The following LIMS2 variants were observed in gnomAD, a reference collection of about 807,000 sequenced individuals.
The protein encoded by LIMS2 is LIM and senescent cell antigen-like-containing domain protein 2.
LIMS2 carries 30 observed loss-of-function variants against 45.3 expected under a neutral mutation model. That is an observed-to-expected ratio of 0.66 (90% CI 0.50 to 0.90). LIMS2 has a LOEUF of 0.90. LIMS2 is among the 40% of genes least tolerant of loss of function. The pLI, the probability that LIMS2 is intolerant of heterozygous loss-of-function variation, is 0.00. For missense variants in LIMS2, 485 were observed against 468.7 expected, an observed-to-expected ratio of 1.03 and a Z score of -0.32; for synonymous variants, 173 against 188.0, an observed-to-expected ratio of 0.92 and a Z score of 0.65.
Position 127,642,856 on chromosome 2 carries a change from C to G in LIMS2, c.509+67G>C. ...AACACTTCCCCAGGTGGAGGCCCCA[C>G]CGCCCTTACCCTGGGCCAGCCCTGG... On this transcript the variant is annotated intron_variant, in intron 5 of 9. Transcript: ENST00000355119. The surrounding 1 kb of genome is among the most constrained non-coding windows in gnomAD (Gnocchi z 5.3). The G allele has an allele frequency of 1.3e-6, 2 of 1,507,460 alleles. No homozygotes were observed. The highest frequency in any genetic ancestry group is 8.9e-7 in the Non-Finnish European group (1 of 1,118,378). The allele number at this position is 1,507,460 out of a possible 1,614,324, so 93.4% of individuals were successfully genotyped here.
rs537813003 is a variant in LIMS2 at position 127,654,703 on chromosome 2, T to C, written c.238+127A>G. The C allele has an allele frequency of 1.6e-5, 24 of 1,465,648 alleles. No individual in the cohort carries two copies. The East Asian group carries it at 5.3e-4, about 33-fold the overall frequency. The allele number at this position is 1,465,648 out of a possible 1,614,324, so 90.8% of individuals were successfully genotyped here. On this transcript the variant is annotated intron_variant, in intron 3 of 9. Coordinates refer to ENST00000355119, the MANE Select transcript of LIMS2 (RefSeq NM_001161403.3). Reference sequence around the variant, plus strand: ...CTGTAGGGGGCCTGACGGCTGCCGCTCAGAGAGGCAAGGTGGGGAGTTAGG... The same window carrying C: ...CTGTAGGGGGCCTGACGGCTGCCGCCCAGAGAGGCAAGGTGGGGAGTTAGG...
In LIMS2 at chr2:127,642,696, A is replaced by G; in HGVS notation, c.509+227T>C. The G allele has an allele frequency of 1.8e-6, 1 of 555,486 alleles. No homozygotes were observed. Among genetic ancestry groups the G allele is most frequent in the South Asian group, 2.2e-5 (1 of 44,520 alleles). 34.4% of individuals were successfully genotyped at this position (555,486 alleles called of 1,614,324 possible). On this transcript the variant is annotated intron_variant, in intron 5 of 9. Transcript: ENST00000355119. This position sits in a 1 kb window ranked among gnomAD's most constrained non-coding sequence, Gnocchi z 5.3. ...CCAGCCCACCCGCCTCCTGAGTCTC[A>G]AGTGCCCCCCAAACAGAGCCCTGGA...
chr2:127,670,969 G>A (rs1420477418), intron 1 of LIMS2, among the ~76,000 whole-genome samples: 1 of 152,242 alleles, frequency 6.6e-6, no homozygotes, highest in Non-Finnish European at 1.5e-5. Context: ...CAAGACATAT[G>A]CATTCACTCA....
intron 1 of LIMS2, among the ~76,000 whole-genome samples, chr2:127,660,385 G>A (rs558949019): frequency 1.4e-4 from 22 of 152,312 alleles, no homozygotes; most frequent in Non-Finnish European, 2.2e-4. Flanking sequence ...GCTGCTGCAC[G>A]TTCTTTGGGT....
intron 1 of LIMS2, among the ~76,000 whole-genome samples, chr2:127,661,593 A>G (rs1684664930): frequency 6.6e-6 from 1 of 152,214 alleles, no homozygotes; most frequent in African/African-American, 2.4e-5. Context: ...CAGCTGGACT[A>G]CGTAGAACAT....
At position 127,667,679 on chromosome 2, in the gene LIMS2, G is replaced by T. The variant is rs1251028056; in HGVS notation, c.11+7335C>A. Among the ~76,000 whole-genome samples, 2 of 152,316 alleles carry T rather than the reference G, an allele frequency of 1.3e-5. No individual in the cohort carries two copies. Among genetic ancestry groups the T allele is most frequent in the East Asian group, 3.9e-4 (2 of 5,182 alleles). On this transcript the variant is annotated intron_variant, in intron 1 of 9. Transcript: ENST00000355119. This position sits in a 1 kb window ranked among gnomAD's most constrained non-coding sequence, Gnocchi z 4.1. The stretch of plus-strand genomic sequence containing the variant: ...AAAAGCACCCAACAAACTGGGAATA[G>T]AAGGGAACTTCTTCAATTTGATAAG...
At position 127,651,815 on chromosome 2, in the gene LIMS2, G is replaced by C. The variant is rs535199334; in HGVS notation, c.359+2609C>G. ...TTAGGACTCAGCAGACCCAGCAAGAGGCATCTGCCCTTTCCCCAGCCACCT... is the reference window on the plus strand; with the variant it reads ...TTAGGACTCAGCAGACCCAGCAAGACGCATCTGCCCTTTCCCCAGCCACCT... On this transcript the variant is annotated intron_variant, in intron 4 of 9. Transcript: ENST00000355119. 73 of 1,507,314 alleles carry C rather than the reference G, an allele frequency of 4.8e-5. 1 individual carries two copies. In the South Asian group the frequency reaches 7.0e-4, roughly 14 times the overall value. 93.4% of individuals were successfully genotyped at this position (1,507,314 alleles called of 1,614,324 possible). A position where few individuals can be genotyped will look rare whatever the true frequency, so the allele number is the denominator to read the frequency against.
chr2:127,643,406 T>G, intron 4 of LIMS2: 1 of 473,932 alleles, frequency 2.1e-6, no homozygotes, highest in Middle Eastern at 3.2e-4. Flanking sequence ...AAAGCATTAT[T>G]TTCCCAATGT....
At chr2:127,657,278 G>C (rs1684319747) in intron 2 of LIMS2, 125 bp downstream of exon 2, 2 of 1,110,754 alleles carry the variant, frequency 1.8e-6, no homozygotes, top group African/African-American at 3.1e-5. Flanking sequence ...GCTCAAGCCT[G>C]GTTCTGGGCT....
intron 4 of LIMS2, chr2:127,651,530 T>C (rs761468850): frequency 1.9e-6 from 3 of 1,612,590 alleles, no homozygotes; most frequent in Non-Finnish European, 2.5e-6. Flanking sequence ...ACCGCAGCCA[T>C]GGGGCCTCCT....
chr2:127,650,631 T>A (rs574404888), intron 4 of LIMS2: 1 of 935,870 alleles, frequency 1.1e-6, no homozygotes, highest in African/African-American at 1.6e-5. Context: ...TCTGAAGGCA[T>A]TGGAGGCCTG....
chr2:127,650,166 G>A (rs1477178749), intron 4 of LIMS2: 15 of 1,230,646 alleles, frequency 1.2e-5, no homozygotes, highest in Non-Finnish European at 1.7e-5. Context: ...GGCAAGCCAT[G>A]GTCAGGGGAA....
intron 1 of LIMS2, among the ~76,000 whole-genome samples, chr2:127,663,397 G>A (rs536539002): frequency 3.1e-4 from 47 of 152,308 alleles, no homozygotes; most frequent in African/African-American, 8.2e-4. Context: ...CCGTGCTGCC[G>A]GCCTGCAGTT....
chr2:127,654,973 G>T, intron 2 of LIMS2, 77 bp from the exon 3 acceptor site: 1 of 1,351,760 alleles, frequency 7.4e-7, no homozygotes, highest in Non-Finnish European at 1.0e-6. Context: ...TGTTGGGTCA[G>T]GACCTGACAG....
At position 127,675,173 on chromosome 2, in the gene LIMS2, G is replaced by C. The variant is rs1004593937; in HGVS notation, c.-149C>G. ...GCCAAGAGCCGCTCCGCCCGCGAGA[G>C]GGGTGGGCGGGGGTGGCAGGGTGGG... On this transcript the variant is annotated 5_prime_UTR_variant, in exon 1 of 10. Transcript: ENST00000355119. 8 of 575,380 alleles carry C rather than the reference G, an allele frequency of 1.4e-5. No homozygotes were observed. Among genetic ancestry groups the C allele is most frequent in the African/African-American group, 1.2e-4 (6 of 51,442 alleles). The allele number at this position is 575,380 out of a possible 1,614,324, so 35.6% of individuals were successfully genotyped here.
In LIMS2 at chr2:127,672,527, T is replaced by G. The variant is rs2105345481; in HGVS notation, c.11+2487A>C. Among the ~76,000 whole-genome samples the G allele has an allele frequency of 6.6e-6, 1 of 152,100 alleles. No individual in the cohort carries two copies. Among genetic ancestry groups the G allele is most frequent in the East Asian group, 1.9e-4 (1 of 5,162 alleles). ...CCCACCTGTCATCACAGGAGGGGCA[T>G]CCTCCCGAGCCCCACCCTCTGTGGC... On this transcript the variant is annotated intron_variant, in intron 1 of 9. Transcript: ENST00000355119. The surrounding 1 kb of genome is among the most constrained non-coding windows in gnomAD (Gnocchi z 4.9).
At chr2:127,640,505 A>T (rs1184119914) in intron 7 of LIMS2, 187 bp from the exon 8 acceptor site, 1 of 649,898 alleles carries the variant, frequency 1.5e-6, no homozygotes, top group East Asian at 2.7e-5. Flanking sequence ...TCCGGGAAGG[A>T]CAACAGGCTG....
In LIMS2 at chr2:127,653,269, G is replaced by A. The variant is rs959381255; in HGVS notation, c.359+1155C>T. On this transcript the variant is annotated intron_variant, in intron 4 of 9. Coordinates refer to ENST00000355119, the MANE Select transcript of LIMS2 (RefSeq NM_001161403.3). This position sits in a 1 kb window ranked among gnomAD's most constrained non-coding sequence, Gnocchi z 5.3. ...TGCCCGGACAGAGAGAGTGTGGCAG[G>A]GGAAGCATGGCTGGGGCCTCTGGGG... 3.3e-5 allele frequency among the ~76,000 whole-genome samples: 5 copies of A among 152,176 alleles called. No homozygotes were observed. Among genetic ancestry groups the A allele is most frequent in the Non-Finnish European group, 5.9e-5 (4 of 68,026 alleles).
Position 127,653,877 on chromosome 2 carries a change from C to A in LIMS2, c.359+547G>T, listed in dbSNP as rs1684046414. ...CGAGAGAGTGGCGTGGAGAAGCAAG[C>A]CCTGGAGAAAGTGTGGGGATGAACA... is the stretch of plus-strand genomic sequence containing the variant. On this transcript the variant is annotated intron_variant, in intron 4 of 9. Coordinates refer to ENST00000355119, the MANE Select transcript of LIMS2 (RefSeq NM_001161403.3). The surrounding 1 kb of genome is among the most constrained non-coding windows in gnomAD (Gnocchi z 5.3). Among the ~76,000 whole-genome samples, 1 of 152,018 alleles carries A rather than the reference C, an allele frequency of 6.6e-6. No homozygotes were observed. Among genetic ancestry groups the A allele is most frequent in the Non-Finnish European group, 1.5e-5 (1 of 67,992 alleles).
Sources: gnomAD v4.1 joint callset for allele counts (sites outside exome capture counted in the v4.1 genomes callset) on GRCh38, gnomAD v4.1.1 for gene constraint, Gnocchi (gnomAD v3.1) non-coding constraint, MANE v1.5 for transcripts, NCBI Gene and HGNC (gene_info 2026-07-23, HGNC 2026-07-21) for gene names.